The following NRXN3 variants were observed in gnomAD, a reference collection of about 807,000 sequenced individuals.
NRXN3 encodes neurexin III.
In NRXN3, 32 loss-of-function variants were observed where a neutral mutation model predicts 137.6. That is an observed-to-expected ratio of 0.23 (90% CI 0.18 to 0.31). The LOEUF is 0.31. Ranked by LOEUF, NRXN3 falls within the 10% of genes least tolerant of loss-of-function variation. The pLI is 1.00. For synonymous variants in NRXN3, 798 were observed against 784.5 expected, an observed-to-expected ratio of 1.02 and a Z score of -0.29; for missense variants, 1,574 against 2,062.5, an observed-to-expected ratio of 0.76 and a Z score of 4.59.
rs1049338037 is a variant in NRXN3 at position 79,868,139 on chromosome 14, C to T, written c.*6175C>T. Reference sequence around the variant, plus strand: ...GAAATAATTCATGTGAAATGCTTAACATATGTGTGACAAATAATTATCCTT... The same window carrying T: ...GAAATAATTCATGTGAAATGCTTAATATATGTGTGACAAATAATTATCCTT... On this transcript the variant is annotated 3_prime_UTR_variant, in exon 21 of 21. Transcript: ENST00000335750. The T allele has an allele frequency of 1.3e-5, 2 of 152,130 alleles. No individual in the cohort carries two copies. Among genetic ancestry groups the T allele is most frequent in the Non-Finnish European group, 2.9e-5 (2 of 68,034 alleles). 9.4% of individuals were successfully genotyped at this position (152,130 alleles called of 1,614,324 possible). A position where few individuals can be genotyped will look rare whatever the true frequency, so the allele number is the denominator to read the frequency against.
At chr14:79,601,676 G>T (rs1437838784) in intron 16 of NRXN3, among the ~76,000 whole-genome samples, 3 of 152,058 alleles carry the variant, frequency 2.0e-5, no homozygotes, top group African/African-American at 7.2e-5. Flanking sequence ...ACATCATATC[G>T]CCACGGTCTT....
At chr14:79,599,450 T>C (rs1332000484) in intron 16 of NRXN3, among the ~76,000 whole-genome samples, 1 of 152,152 alleles carries the variant, frequency 6.6e-6, no homozygotes, top group Non-Finnish European at 1.5e-5. Flanking sequence ...CTAAACCTTC[T>C]CTGTTCTTCT....
intron 4 of NRXN3, among the ~76,000 whole-genome samples, chr14:78,463,633 C>T (rs1391689254): frequency 1.4e-5 from 2 of 144,932 alleles, no homozygotes; most frequent in African/African-American, 2.6e-5. Context: ...TCAATTTACT[C>T]TTACATATTA....
At chr14:78,559,166 A>G (rs1307744832) in intron 4 of NRXN3, among the ~76,000 whole-genome samples, 1 of 152,144 alleles carries the variant, frequency 6.6e-6, no homozygotes, top group Non-Finnish European at 1.5e-5. Context: ...TTCCCTAGAG[A>G]TACCCATTAC....
At chr14:79,788,362 A>T (rs2099135413) in intron 19 of NRXN3, among the ~76,000 whole-genome samples, 1 of 152,142 alleles carries the variant, frequency 6.6e-6, no homozygotes, top group South Asian at 2.1e-4. Context: ...ATAAACAGAC[A>T]TTTCCTGAGT....
At chr14:79,543,760 A>C (rs2153737435) in intron 16 of NRXN3, among the ~76,000 whole-genome samples, 1 of 152,344 alleles carries the variant, frequency 6.6e-6, no homozygotes, top group African/African-American at 2.4e-5. Flanking sequence ...TGTACAGTGC[A>C]GGCCCCAATC....
chr14:78,725,713 C>T (rs1450123647), intron 8 of NRXN3, among the ~76,000 whole-genome samples: 3 of 152,150 alleles, frequency 2.0e-5, no homozygotes, highest in Non-Finnish European at 4.4e-5. Flanking sequence ...TCGGAGTTTA[C>T]ACATCCATAT....
At chr14:79,726,957 AG>A (rs1356944880) in intron 19 of NRXN3, among the ~76,000 whole-genome samples, 1 of 152,110 alleles carries the variant, frequency 6.6e-6, no homozygotes, top group Non-Finnish European at 1.5e-5. Context: ...GCTTTGGCAA[AG>A]TTTGTGTATT....
At chr14:79,427,774 G>C (rs2095678230) in intron 15 of NRXN3, among the ~76,000 whole-genome samples, 1 of 149,718 alleles carries the variant, frequency 6.7e-6, no homozygotes, top group South Asian at 2.1e-4. Context: ...GGAGGTTGAA[G>C]AGAGCTGAGA....
intron 8 of NRXN3, among the ~76,000 whole-genome samples, chr14:78,718,377 A>T (rs1320643872): frequency 6.6e-6 from 1 of 152,124 alleles, no homozygotes; most frequent in Non-Finnish European, 1.5e-5. Flanking sequence ...GCATAGATGG[A>T]ATGCTGAAAA....
chr14:78,372,910 A>T (rs1173238599), intron 4 of NRXN3, among the ~76,000 whole-genome samples: 1 of 152,232 alleles, frequency 6.6e-6, no homozygotes, highest in Non-Finnish European at 1.5e-5. Context: ...CACGGTAGAC[A>T]TTAGAAGAAG....
At chr14:79,509,736 C>T (rs1467275754) in intron 16 of NRXN3, among the ~76,000 whole-genome samples, 1 of 151,126 alleles carries the variant, frequency 6.6e-6, no homozygotes, top group Non-Finnish European at 1.5e-5. Context: ...CATCATACTC[C>T]GTAAATATAT....
chr14:78,684,148 T>C (rs1323108834), intron 6 of NRXN3, among the ~76,000 whole-genome samples: 1 of 152,156 alleles, frequency 6.6e-6, no homozygotes, highest in East Asian at 1.9e-4. Flanking sequence ...ACCATACTTA[T>C]CTTGGAGTTG....
intron 15 of NRXN3, among the ~76,000 whole-genome samples, chr14:79,272,092 G>C (rs957240180): frequency 6.6e-6 from 1 of 152,140 alleles, no homozygotes; most frequent in Non-Finnish European, 1.5e-5. Flanking sequence ...CCGTAGATCA[G>C]TAGATCAATT....
At chr14:79,367,853 A>G (rs2093952899) in intron 15 of NRXN3, among the ~76,000 whole-genome samples, 1 of 152,192 alleles carries the variant, frequency 6.6e-6, no homozygotes. Flanking sequence ...AAGGGAATCC[A>G]AGAAGATAAT....
chr14:79,284,188 G>A (rs1010975858), intron 15 of NRXN3, among the ~76,000 whole-genome samples: 3 of 148,874 alleles, frequency 2.0e-5, no homozygotes, highest in South Asian at 4.3e-4. Flanking sequence ...TCTCTTAAAG[G>A]TCATTGGACC....
At chr14:78,507,121 C>A (rs2096009924) in intron 4 of NRXN3, among the ~76,000 whole-genome samples, 1 of 152,172 alleles carries the variant, frequency 6.6e-6, no homozygotes, top group South Asian at 2.1e-4. Flanking sequence ...GTGGGTGACG[C>A]TATGTCACTC....
At chr14:78,561,549 G>A (rs1389902182) in intron 4 of NRXN3, among the ~76,000 whole-genome samples, 1 of 152,136 alleles carries the variant, frequency 6.6e-6, no homozygotes, top group Non-Finnish European at 1.5e-5. Context: ...TATGCCATAG[G>A]GGACACAGAG....
intron 10 of NRXN3, among the ~76,000 whole-genome samples, chr14:78,894,847 G>A (rs1276685902): frequency 1.3e-5 from 2 of 150,900 alleles, no homozygotes; most frequent in African/African-American, 4.9e-5. Context: ...AAGTTCTGGA[G>A]TGACTAGGTG....
Sources: allele counts gnomAD v4.1 joint callset (sites outside exome capture counted in the v4.1 genomes callset), GRCh38; gene constraint gnomAD v4.1.1; transcripts MANE v1.5; gene names NCBI Gene and HGNC (gene_info 2026-07-23, HGNC 2026-07-21).